IL1RAPL1: variants seen among roughly 807,000 people sequenced by gnomAD.
IL1RAPL1 encodes the protein interleukin-1 receptor accessory protein-like 1.
Under a neutral mutation model 48.4 loss-of-function variants are expected in IL1RAPL1, and 3 were observed. The observed-to-expected ratio is 0.06, with a 90% CI of 0.03 to 0.16. The LOEUF (loss-of-function observed/expected upper bound fraction) is 0.16, where lower values mean the gene tolerates loss of function less well. IL1RAPL1 is among the 10% of genes least tolerant of loss of function. The probability of loss-of-function intolerance (pLI) is 1.00; values close to 1 mark genes in which losing one functional copy is unlikely to be tolerated. For synonymous variants in IL1RAPL1, 185 were observed against 187.7 expected, an observed-to-expected ratio of 0.99 and a Z score of 0.12; for missense variants, 349 against 530.6, an observed-to-expected ratio of 0.66 and a Z score of 3.36.
intron 5 of IL1RAPL1, among the ~76,000 whole-genome samples, chrX:29,628,283 A>C (rs1307863332): frequency 8.9e-6 from 1 of 112,096 alleles, no homozygotes; most frequent in African/African-American, 3.2e-5. Flanking sequence ...TACACTTAGT[A>C]ACTGGACAGG....
At chrX:28,848,709 T>C (rs1296043174) in intron 2 of IL1RAPL1, among the ~76,000 whole-genome samples, 6 of 111,389 alleles carry the variant, frequency 5.4e-5, no homozygotes. Context: ...GGACCACTGC[T>C]GGGTGAGAAG....
At chrX:29,643,551 A>T (rs980593898) in intron 5 of IL1RAPL1, among the ~76,000 whole-genome samples, 37 of 112,278 alleles carry the variant, frequency 3.3e-4, no homozygotes, top group African/African-American at 1.1e-3. Context: ...GTTAGATAAC[A>T]TATTGCATAT....
At chrX:29,262,556 G>C (rs1403125935) in intron 2 of IL1RAPL1, among the ~76,000 whole-genome samples, 2 of 110,056 alleles carry the variant, frequency 1.8e-5, no homozygotes, top group Non-Finnish European at 3.8e-5. Flanking sequence ...CTAGCTACTC[G>C]GGAGGCTGAA....
At chrX:28,649,341 C>T (rs1381599240) in intron 1 of IL1RAPL1, among the ~76,000 whole-genome samples, 2 of 112,047 alleles carry the variant, frequency 1.8e-5, no homozygotes, top group African/African-American at 6.5e-5. Flanking sequence ...GAGTGTAAAA[C>T]CAGCTCCCAG....
chrX:29,412,916 A>G (rs768882589), intron 5 of IL1RAPL1, among the ~76,000 whole-genome samples: 7 of 112,443 alleles, frequency 6.2e-5, no homozygotes, highest in Middle Eastern at 4.6e-3. Context: ...TACAAATGGA[A>G]GTGGCTACTG....
At chrX:28,885,552 G>A (rs977126201) in intron 2 of IL1RAPL1, among the ~76,000 whole-genome samples, 13 of 111,571 alleles carry the variant, frequency 1.2e-4, no homozygotes, top group South Asian at 3.7e-4. Context: ...AAAACTTAAC[G>A]TATTTGTTTT....
At chrX:28,694,993 G>A (rs1450050536) in intron 1 of IL1RAPL1, among the ~76,000 whole-genome samples, 1 of 110,286 alleles carries the variant, frequency 9.1e-6, no homozygotes, top group Admixed American at 9.7e-5. Context: ...ATCTTCAATT[G>A]TGAGTCTTCT....
chrX:29,302,313 C>T (rs771458425), intron 3 of IL1RAPL1, among the ~76,000 whole-genome samples: 68 of 111,761 alleles, frequency 6.1e-4, no homozygotes, highest in Non-Finnish European at 1.1e-3. Context: ...CGTTTAATGT[C>T]TGATATGACA....
chrX:28,768,755 C>CTATATATATATATATATATA (rs1207885215), intron 1 of IL1RAPL1, among the ~76,000 whole-genome samples: 1 of 34,890 alleles, frequency 2.9e-5, no homozygotes. Flanking sequence ...CTCTCTCTCT[C>CTATATATATATATATATATA]TATATATATA....
chrX:28,792,036 A>G (rs770051875), intron 2 of IL1RAPL1, among the ~76,000 whole-genome samples: 2 of 111,757 alleles, frequency 1.8e-5, no homozygotes, highest in Non-Finnish European at 3.8e-5. Context: ...ATAAAAATCA[A>G]TTTTTGATGT....
At chrX:29,679,564 G>A (rs1210916278) in intron 6 of IL1RAPL1, among the ~76,000 whole-genome samples, 1 of 111,553 alleles carries the variant, frequency 9.0e-6, no homozygotes, top group Admixed American at 9.5e-5. Flanking sequence ...ACAAGATATT[G>A]TTCTTAGGCA....
intron 1 of IL1RAPL1, among the ~76,000 whole-genome samples, chrX:28,635,598 A>G (rs1018757066): frequency 1.8e-5 from 2 of 112,041 alleles, no homozygotes; most frequent in Admixed American, 9.5e-5. Flanking sequence ...AAGCATGTTT[A>G]AGATAGGCTA....
intron 2 of IL1RAPL1, among the ~76,000 whole-genome samples, chrX:29,076,912 C>T (rs1174185270): frequency 9.0e-6 from 1 of 110,999 alleles, no homozygotes; most frequent in Non-Finnish European, 1.9e-5. Context: ...CTGCTAGTTG[C>T]GTTGTGGATT....
chrX:29,313,253 CTGTGTGTGTG>C (rs35894909), intron 3 of IL1RAPL1, among the ~76,000 whole-genome samples: 4 of 90,809 alleles, frequency 4.4e-5, no homozygotes, highest in Non-Finnish European at 6.8e-5. Context: ...ACATACAAGC[CTGTGTGTGTG>C]TGTGTGTGTG....
intron 3 of IL1RAPL1, among the ~76,000 whole-genome samples, chrX:29,362,743 A>G (rs1046022386): frequency 8.9e-6 from 1 of 111,910 alleles, no homozygotes; most frequent in Non-Finnish European, 1.9e-5. Flanking sequence ...TTTCATTTGC[A>G]TTAGAGAATT....
intron 2 of IL1RAPL1, among the ~76,000 whole-genome samples, chrX:29,230,421 T>C (rs1931167617): frequency 1.1e-5 from 1 of 94,738 alleles, no homozygotes; most frequent in Non-Finnish European, 2.0e-5. Flanking sequence ...AGGCGTCTGC[T>C]CCCCACAGTA....
chrX:29,579,558 TTTTAATAACCA>T (rs1465597816), intron 5 of IL1RAPL1, among the ~76,000 whole-genome samples: 1 of 112,342 alleles, frequency 8.9e-6, no homozygotes, highest in African/African-American at 3.2e-5. Context: ...TGCTTTTGTT[TTTTAATAACCA>T]TTTTTTCCCA....
intron 1 of IL1RAPL1, among the ~76,000 whole-genome samples, chrX:28,592,149 A>C (rs1284778819): frequency 8.9e-6 from 1 of 111,855 alleles, no homozygotes; most frequent in Non-Finnish European, 1.9e-5. Context: ...CTCATATGGG[A>C]ATATAGTTGT....
intron 5 of IL1RAPL1, among the ~76,000 whole-genome samples, chrX:29,411,108 C>T (rs1272980925): frequency 9.0e-6 from 1 of 111,612 alleles, no homozygotes; most frequent in Non-Finnish European, 1.9e-5. Flanking sequence ...ACCTGTAATA[C>T]TGGTGCTTTG....
Sources: allele counts gnomAD v4.1 joint callset (sites outside exome capture counted in the v4.1 genomes callset), GRCh38; gene constraint gnomAD v4.1.1; transcripts MANE v1.5; gene names NCBI Gene and HGNC (gene_info 2026-07-23, HGNC 2026-07-21).